Variants in CELF5 observed in about 807,000 individuals in gnomAD.
CELF5 encodes CUGBP Elav-like family member 5, also known as CUG-BP and ETR-3 like factor 5.
CELF5 carries 6 observed loss-of-function variants against 54.9 expected under a neutral mutation model. The observed-to-expected ratio is 0.11, with a 90% CI of 0.06 to 0.22. The LOEUF (loss-of-function observed/expected upper bound fraction) is 0.22, where lower values mean the gene tolerates loss of function less well. Ranked by LOEUF, CELF5 falls within the 10% of genes least tolerant of loss-of-function variation. The pLI is 1.00. For synonymous variants in CELF5, 271 were observed against 290.9 expected, an observed-to-expected ratio of 0.93 and a Z score of 0.70; for missense variants, 401 against 678.6, an observed-to-expected ratio of 0.59 and a Z score of 4.54.
intron 10 of CELF5, among the ~76,000 whole-genome samples, chr19:3,289,824 C>T (rs2080313911): frequency 6.6e-6 from 1 of 151,298 alleles, no homozygotes; most frequent in Admixed American, 6.6e-5. Flanking sequence ...TTATTCTCCA[C>T]ACCCAGCTCA....
intron 5 of CELF5, among the ~76,000 whole-genome samples, chr19:3,279,231 T>G (rs554993386): frequency 1.3e-5 from 2 of 151,764 alleles, no homozygotes; most frequent in African/African-American, 4.8e-5. Context: ...GACTCACTGG[T>G]TGAGGGAGGG....
Position 3,282,097 on chromosome 19 carries a change from C to A in CELF5, c.751-29C>A. ...AGCCATGATCTCAGGGCAGATATCA[C>A]CCCAACTGTGACATGTCTTCACCCC... On this transcript the variant is annotated intron_variant, in intron 6 of 12. Coordinates refer to ENST00000292672, the MANE Select transcript of CELF5 (RefSeq NM_021938.4). The surrounding 1 kb of genome is among the most constrained non-coding windows in gnomAD (Gnocchi z 5.2). The A allele has an allele frequency of 1.2e-6, 2 of 1,613,712 alleles. No individual in the cohort carries two copies. The highest frequency in any genetic ancestry group is 1.7e-6 in the Non-Finnish European group (2 of 1,179,800).
Position 3,228,732 on chromosome 19 carries a change from C to T in CELF5, c.259+3734C>T, listed in dbSNP as rs1247675039. On this transcript the variant is annotated intron_variant, in intron 1 of 12. Transcript: ENST00000292672. This position sits in a 1 kb window ranked among gnomAD's most constrained non-coding sequence, Gnocchi z 6.0. ...GGCTGTAGCAGGCTGAGCTCTGAGG[C>T]GTGAGATTCCGCGTGTGACGCACCA... 6.7e-6 allele frequency among the ~76,000 whole-genome samples: 1 copy of T among 149,910 alleles called. No individual in the cohort carries two copies. Among genetic ancestry groups the T allele is most frequent in the Non-Finnish European group, 1.5e-5 (1 of 67,768 alleles).
At chr19:3,249,626 C>T (rs865995264) in intron 1 of CELF5, among the ~76,000 whole-genome samples, 10 of 151,964 alleles carry the variant, frequency 6.6e-5, no homozygotes, top group African/African-American at 9.7e-5. Context: ...TGGGCCACTC[C>T]GGGGCTGGCC....
At chr19:3,284,118 G>A (rs2080195091) in intron 8 of CELF5, among the ~76,000 whole-genome samples, 1 of 134,704 alleles carries the variant, frequency 7.4e-6, no homozygotes, top group Admixed American at 7.4e-5. Context: ...AAAGTGTTGG[G>A]ATCACAAGTG....
intron 1 of CELF5, among the ~76,000 whole-genome samples, chr19:3,226,968 G>A (rs10421668): frequency 0.29 from 43,935 of 151,696 alleles, 6,470 homozygotes; most frequent in Non-Finnish European, 0.32. Context: ...GGTACCTCGG[G>A]GGTATTTCCC....
At chr19:3,271,088 A>T (rs1420762875) in intron 2 of CELF5, among the ~76,000 whole-genome samples, 5 of 151,474 alleles carry the variant, frequency 3.3e-5, no homozygotes, top group Admixed American at 3.3e-4. Context: ...GGCAACAACA[A>T]TTGCCAGCTT....
intron 1 of CELF5, among the ~76,000 whole-genome samples, chr19:3,229,581 C>G (rs919005626): frequency 1.5e-4 from 23 of 152,216 alleles, no homozygotes; most frequent in African/African-American, 5.3e-4. Flanking sequence ...GTCTTGTGGC[C>G]TTGGGCAGAT....
chr19:3,285,966 C>A lies in CELF5; in HGVS notation c.1127C>A (p.Thr376Lys). 6.3e-7 allele frequency: 1 copy of A among 1,589,742 alleles called. No individual in the cohort carries two copies. Among genetic ancestry groups the A allele is most frequent in the Non-Finnish European group, 8.5e-7 (1 of 1,174,048 alleles). ...GCCATGTACCCCACCGCGGCCATCA[C>A]GCCCATCGCGCACAGCGTCCCCCAG... ...YTAMYPTAAI[T>K]PIAHSVPQPP... The change falls in exon 10 of 13, where the codon ACG becomes AAG. Residue 376 changes from threonine (T) to lysine (K), a missense_variant. Coordinates refer to ENST00000292672, the MANE Select transcript of CELF5 (RefSeq NM_021938.4).
chr19:3,257,513 T>C (rs2145172951), intron 2 of CELF5, among the ~76,000 whole-genome samples: 1 of 152,120 alleles, frequency 6.6e-6, no homozygotes, highest in East Asian at 1.9e-4. Context: ...TTCACTCTTG[T>C]TGCCCAGGCT....
intron 1 of CELF5, among the ~76,000 whole-genome samples, chr19:3,250,000 C>G (rs1032072817): frequency 1.3e-5 from 2 of 152,124 alleles, no homozygotes; most frequent in African/African-American, 4.8e-5. Context: ...AATGGCTGGA[C>G]CTCCTCTCCC....
chr19:3,235,550 A>G (rs1191490496), intron 1 of CELF5, among the ~76,000 whole-genome samples: 3 of 22,994 alleles, frequency 1.3e-4, no homozygotes, highest in African/African-American at 4.5e-4. Flanking sequence ...GGATGGGTGG[A>G]TGAGTGGATG....
At chr19:3,247,394 G>T (rs1471540338) in intron 1 of CELF5, among the ~76,000 whole-genome samples, 1 of 152,032 alleles carries the variant, frequency 6.6e-6, no homozygotes, top group Non-Finnish European at 1.5e-5. Flanking sequence ...CCAAAGTGCT[G>T]GGATTACAGG....
chr19:3,236,582 G>A (rs974765845), intron 1 of CELF5, among the ~76,000 whole-genome samples: 4 of 152,124 alleles, frequency 2.6e-5, no homozygotes, highest in South Asian at 4.1e-4. Flanking sequence ...AGAAGAGGAT[G>A]AACAGCAATG....
At chr19:3,253,102 A>T (rs1003523086) in intron 2 of CELF5, among the ~76,000 whole-genome samples, 2 of 94,662 alleles carry the variant, frequency 2.1e-5, no homozygotes, top group Non-Finnish European at 4.2e-5. Context: ...AAAGTACATT[A>T]AAAAAAAAAA....
chr19:3,251,181 G>A (rs1400947681), intron 2 of CELF5, 114 bp downstream of exon 2: 5 of 762,484 alleles, frequency 6.6e-6, no homozygotes, highest in Non-Finnish European at 1.1e-5. Flanking sequence ...TCGGGACTCA[G>A]AAAGAGGTAT....
In CELF5 at chr19:3,281,403, ACT is replaced by A. The variant is rs2080150701; in HGVS notation, c.750+63_750+64del. ...GCTCCGTCTCTCTCAGTCTCTGTCT[ACT>A]CTCTGTCGGGCTCCTGCCTCTCCCT... On this transcript the variant is annotated intron_variant, in intron 6 of 12. Transcript: ENST00000292672. This position sits in a 1 kb window ranked among gnomAD's most constrained non-coding sequence, Gnocchi z 6.5. 1 of 1,545,018 alleles carries A rather than the reference ACT, an allele frequency of 6.5e-7. No homozygotes were observed. The highest frequency in any genetic ancestry group is 8.8e-7 in the Non-Finnish European group (1 of 1,141,506).
chr19:3,234,255 C>T (rs975294544), intron 1 of CELF5, among the ~76,000 whole-genome samples: 1 of 152,082 alleles, frequency 6.6e-6, no homozygotes, highest in African/African-American at 2.4e-5. Flanking sequence ...CGTTCTCTCT[C>T]TCTCTCTCTC....
intron 1 of CELF5, among the ~76,000 whole-genome samples, chr19:3,245,091 C>A (rs1568335177): frequency 9.5e-6 from 1 of 105,080 alleles, no homozygotes; most frequent in African/African-American, 3.8e-5. Context: ...GTGTGTGTAG[C>A]GTTTGGTGTG....
Sources: allele counts gnomAD v4.1 joint callset (sites outside exome capture counted in the v4.1 genomes callset), GRCh38; gene constraint gnomAD v4.1.1; non-coding constraint Gnocchi (gnomAD v3.1); transcripts MANE v1.5; gene names NCBI Gene and HGNC (gene_info 2026-07-23, HGNC 2026-07-21).